The following CPVL variants were observed in gnomAD, a reference collection of about 807,000 sequenced individuals.
CPVL encodes probable serine carboxypeptidase CPVL.
CPVL carries 51 observed loss-of-function variants against 63.7 expected under a neutral mutation model. The ratio of observed to expected loss-of-function variants is 0.80; its 90% CI spans 0.64 to 1.01. The LOEUF (loss-of-function observed/expected upper bound fraction) is 1.01, where lower values mean the gene tolerates loss of function less well. Ranked by LOEUF, CPVL falls within the 50% of genes least tolerant of loss-of-function variation. The pLI is 0.00. For missense variants in CPVL, 530 were observed against 573.1 expected (o/e 0.92, Z 0.77); for synonymous variants, 195 against 206.0 (o/e 0.95, Z 0.46).
At chr7:29,164,071 A>T (rs1352820771) in intron 5 of CPVL, among the ~76,000 whole-genome samples, 1 of 152,194 alleles carries the variant, frequency 6.6e-6, no homozygotes, top group Non-Finnish European at 1.5e-5. Flanking sequence ...TTAACTTTTC[A>T]AGCTATAAAA....
intron 5 of CPVL, among the ~76,000 whole-genome samples, chr7:29,171,077 A>G (rs1315033101): frequency 6.6e-6 from 1 of 152,156 alleles, no homozygotes; most frequent in Non-Finnish European, 1.5e-5. Flanking sequence ...TTTATTAAAA[A>G]ACGACTTTAT....
At chr7:29,116,872 TG>T (rs754829103) in intron 2 of CPVL, among the ~76,000 whole-genome samples, 13 of 152,208 alleles carry the variant, frequency 8.5e-5, no homozygotes, top group Non-Finnish European at 1.8e-4. Context: ...AAATTTCCCT[TG>T]TTTTTTTGCG....
At chr7:29,003,019 T>C (rs1278922343) in intron 12 of CPVL, among the ~76,000 whole-genome samples, 1 of 98,720 alleles carries the variant, frequency 1.0e-5, no homozygotes, top group East Asian at 3.6e-4. Context: ...ATTTCCAAAA[T>C]TGACAAAAGT....
At chr7:29,104,311 G>A (rs928386771) in intron 3 of CPVL, among the ~76,000 whole-genome samples, 17 of 151,906 alleles carry the variant, frequency 1.1e-4, no homozygotes, top group African/African-American at 3.9e-4. Flanking sequence ...ACCCAGGCTG[G>A]AGTGCAATGG....
intron 12 of CPVL, among the ~76,000 whole-genome samples, chr7:29,003,469 G>A (rs900658189): frequency 6.6e-6 from 1 of 152,162 alleles, no homozygotes; most frequent in Non-Finnish European, 1.5e-5. Flanking sequence ...AAAGAAGTAC[G>A]AAAGACTGTT....
At chr7:29,034,356 C>T (rs1044435034) in intron 11 of CPVL, among the ~76,000 whole-genome samples, 1 of 152,188 alleles carries the variant, frequency 6.6e-6, no homozygotes, top group African/African-American at 2.4e-5. Context: ...ATCTGCCCAC[C>T]TCAGCTTCCT....
chr7:29,089,672 T>C (rs186729911), intron 6 of CPVL, among the ~76,000 whole-genome samples: 96 of 152,200 alleles, frequency 6.3e-4, no homozygotes, highest in African/African-American at 2.3e-3. Context: ...TACCATCCAT[T>C]CCCTAGAAAA....
chr7:29,112,226 A>C (rs1788307418), intron 3 of CPVL, among the ~76,000 whole-genome samples: 1 of 152,160 alleles, frequency 6.6e-6, no homozygotes, highest in Non-Finnish European at 1.5e-5. Context: ...ATGCTCAATA[A>C]GTGGGTACTG....
chr7:29,177,237 ATTTTG>A (rs10535682), intron 5 of CPVL, among the ~76,000 whole-genome samples: 107,386 of 146,632 alleles, frequency 0.73, 39,554 homozygotes, highest in East Asian at 0.99. Context: ...TTTTTGTTTT[ATTTTG>A]TTTTGTTTTG....
intron 3 of CPVL, among the ~76,000 whole-genome samples, chr7:29,100,819 C>T (rs1013265464): frequency 6.6e-6 from 1 of 152,206 alleles, no homozygotes; most frequent in African/African-American, 2.4e-5. Context: ...GAAAAGCCCA[C>T]ACATACATCT....
At chr7:29,063,230 G>A (rs1782805280) in intron 11 of CPVL, among the ~76,000 whole-genome samples, 1 of 152,090 alleles carries the variant, frequency 6.6e-6, no homozygotes, top group Non-Finnish European at 1.5e-5. Flanking sequence ...ACAGCACAAT[G>A]GCTTGACTTG....
At chr7:29,063,989 T>A (rs879011853) in intron 11 of CPVL, 72 bp downstream of exon 11, 12 of 980,498 alleles carry the variant, frequency 1.2e-5, no homozygotes, top group East Asian at 2.5e-5. Context: ...AAGGCAGGAC[T>A]CAAATTACAA....
chr7:29,034,796 A>T (rs2128157850), intron 11 of CPVL, among the ~76,000 whole-genome samples: 1 of 151,084 alleles, frequency 6.6e-6, no homozygotes, highest in Non-Finnish European at 1.5e-5. Context: ...TGCCTCCTTA[A>T]AGTGCTGGGA....
At chr7:29,095,033 A>G (rs767629672) in intron 5 of CPVL, 51 bp downstream of exon 5, 2 of 1,365,112 alleles carry the variant, frequency 1.5e-6, no homozygotes, top group Non-Finnish European at 2.1e-6. Context: ...GGAAAAAATA[A>G]AAGACAGGAG....
At chr7:29,129,744 G>A (rs555294465) in intron 1 of CPVL, among the ~76,000 whole-genome samples, 12 of 152,200 alleles carry the variant, frequency 7.9e-5, no homozygotes, top group African/African-American at 2.9e-4. Context: ...TGGGATTACA[G>A]GTGTGAGCCA....
intron 11 of CPVL, among the ~76,000 whole-genome samples, chr7:29,039,669 A>C (rs1788880430): frequency 6.6e-6 from 1 of 152,058 alleles, no homozygotes; most frequent in Admixed American, 6.5e-5. Flanking sequence ...TGGTTAAAAA[A>C]AAAAAGCACA....
At chr7:29,023,213 A>G (rs1487749852) in intron 12 of CPVL, among the ~76,000 whole-genome samples, 1 of 152,202 alleles carries the variant, frequency 6.6e-6, no homozygotes, top group Non-Finnish European at 1.5e-5. Context: ...ATAAAGACAT[A>G]CCTGAGACTG....
chr7:29,174,945 A>C (rs1261004523), intron 5 of CPVL, among the ~76,000 whole-genome samples: 1 of 152,172 alleles, frequency 6.6e-6, no homozygotes, highest in Non-Finnish European at 1.5e-5. Flanking sequence ...AAAATTCTAT[A>C]AATGAAAAAT....
intron 5 of CPVL, among the ~76,000 whole-genome samples, chr7:29,171,158 G>C (rs1796556853): frequency 6.6e-6 from 1 of 152,116 alleles, no homozygotes; most frequent in Non-Finnish European, 1.5e-5. Flanking sequence ...TCTGACTCTT[G>C]CCTGCAGAGC....
Sources: gnomAD v4.1 joint callset for allele counts (sites outside exome capture counted in the v4.1 genomes callset) on GRCh38, gnomAD v4.1.1 for gene constraint, MANE v1.5 for transcripts, NCBI Gene and HGNC (gene_info 2026-07-23, HGNC 2026-07-21) for gene names.